The following MRPS31 variants were observed in gnomAD, a reference collection of about 807,000 sequenced individuals.
MRPS31 encodes small ribosomal subunit protein mS31.
A neutral mutation model predicts 43.1 loss-of-function variants in MRPS31; 32 were observed. That is an observed-to-expected ratio of 0.74 (90% CI 0.56 to 1.00). The LOEUF (loss-of-function observed/expected upper bound fraction) is 1.00, where lower values mean the gene tolerates loss of function less well. Ranked by LOEUF, MRPS31 falls within the 50% of genes least tolerant of loss-of-function variation. The probability of loss-of-function intolerance (pLI) is 0.00; values close to 1 mark genes in which losing one functional copy is unlikely to be tolerated. For missense variants in MRPS31, 437 were observed against 466.7 expected (o/e 0.94, Z 0.59); for synonymous variants, 165 against 161.6 (o/e 1.02, Z -0.16).
intron 2 of MRPS31, among the ~76,000 whole-genome samples, chr13:40,763,963 C>T (rs1204136081): frequency 6.6e-6 from 1 of 152,162 alleles, no homozygotes; most frequent in Admixed American, 6.5e-5. Flanking sequence ...TGGAAAAGGG[C>T]CCTCAGACGA....
At chr13:40,764,278 A>AT (rs950400732) in intron 2 of MRPS31, among the ~76,000 whole-genome samples, 2 of 152,354 alleles carry the variant, frequency 1.3e-5, no homozygotes, top group African/African-American at 4.8e-5. Context: ...GTACCTGCAT[A>AT]TAAGTAATGC....
At chr13:40,769,970 TCA>T (rs1880961662) in intron 1 of MRPS31, among the ~76,000 whole-genome samples, 1 of 152,248 alleles carries the variant, frequency 6.6e-6, no homozygotes, top group Non-Finnish European at 1.5e-5. Context: ...TTTCCATTTT[TCA>T]CACTTTCTAT....
At chr13:40,748,602 A>C (rs1467749090) in intron 6 of MRPS31, among the ~76,000 whole-genome samples, 1 of 152,264 alleles carries the variant, frequency 6.6e-6, no homozygotes, top group Non-Finnish European at 1.5e-5. Flanking sequence ...AATATCCAGT[A>C]AAGTAGATGA....
At chr13:40,748,335 T>C (rs1383247463) in intron 6 of MRPS31, among the ~76,000 whole-genome samples, 1 of 152,232 alleles carries the variant, frequency 6.6e-6, no homozygotes. Flanking sequence ...TTTTGTATTT[T>C]TAGTAGAGAC....
intron 1 of MRPS31, 173 bp downstream of exon 1, chr13:40,770,812 T>C (rs1880985093): frequency 1.3e-6 from 1 of 764,940 alleles, no homozygotes; most frequent in Non-Finnish European, 2.1e-6. Flanking sequence ...AGGTTTGTAA[T>C]CGTAGCTCTG....
At chr13:40,734,255 C>T (rs1879806149) in intron 6 of MRPS31, among the ~76,000 whole-genome samples, 1 of 152,050 alleles carries the variant, frequency 6.6e-6, no homozygotes, top group Non-Finnish European at 1.5e-5. Context: ...GCATGTGCTT[C>T]AACAAAATGA....
At chr13:40,762,625 T>C (rs1364818748) in intron 2 of MRPS31, among the ~76,000 whole-genome samples, 4 of 151,774 alleles carry the variant, frequency 2.6e-5, no homozygotes, top group Non-Finnish European at 5.9e-5. Context: ...TTGTAGAGAC[T>C]GGGTCTCACT....
At chr13:40,741,768 G>A (rs538052774) in intron 6 of MRPS31, among the ~76,000 whole-genome samples, 2 of 152,118 alleles carry the variant, frequency 1.3e-5, no homozygotes, top group African/African-American at 2.4e-5. Flanking sequence ...AAGGAAAATG[G>A]TAAAAGAAAT....
chr13:40,742,377 GC>G (rs79182963), intron 6 of MRPS31, among the ~76,000 whole-genome samples: 6,843 of 152,130 alleles, frequency 0.045, 314 homozygotes, highest in East Asian at 0.14. Context: ...TTTTGAGAAG[GC>G]CATAGTAGAG....
intron 4 of MRPS31, 46 bp from the exon 5 acceptor site, chr13:40,754,138 A>G: frequency 9.3e-7 from 1 of 1,075,296 alleles, no homozygotes; most frequent in East Asian, 2.6e-5. Context: ...TATATTTTAA[A>G]CTGTCAACAA....
chr13:40,769,334 C>A (rs1408676485), intron 1 of MRPS31, among the ~76,000 whole-genome samples: 1 of 141,776 alleles, frequency 7.1e-6, no homozygotes, highest in African/African-American at 2.6e-5. Flanking sequence ...CGAGATCACA[C>A]ACTGCACTCC....
chr13:40,761,478 A>C (rs1010191892), intron 2 of MRPS31, among the ~76,000 whole-genome samples: 1 of 152,204 alleles, frequency 6.6e-6, no homozygotes, highest in African/African-American at 2.4e-5. Context: ...CATACATTTC[A>C]TAACAATGGT....
chr13:40,752,984 C>T (rs1880432650), intron 5 of MRPS31, among the ~76,000 whole-genome samples: 1 of 152,166 alleles, frequency 6.6e-6, no homozygotes, highest in Non-Finnish European at 1.5e-5. Flanking sequence ...ATCATGTTGT[C>T]TCAGCCTCCC....
intron 6 of MRPS31, among the ~76,000 whole-genome samples, chr13:40,736,346 GA>G (rs910833556): frequency 2.6e-5 from 4 of 151,798 alleles, no homozygotes; most frequent in Non-Finnish European, 4.4e-5. Context: ...AACCAAGTTG[GA>G]AAACACTCTG....
At position 40,766,956 on chromosome 13, in the gene MRPS31, G is replaced by A; in HGVS notation, c.230C>T (p.Thr77Ile). The A allele has an allele frequency of 1.2e-6, 2 of 1,613,908 alleles. No individual in the cohort carries two copies. Among genetic ancestry groups the A allele is most frequent in the Non-Finnish European group, 1.7e-6 (2 of 1,179,960 alleles). ...CSKKDKQSVR[T>I]EETSKETSES... ...TGAAGTCTCCTTGGAAGTCTCCTCA[G>A]TTCGAACAGACTGCTTATCTTTCTT... The change falls in exon 2 of 7, where the codon ACT (threonine) becomes ATT (isoleucine). Residue 77 changes from threonine (T) to isoleucine (I), a missense_variant. Coordinates refer to ENST00000323563, the MANE Select transcript of MRPS31 (RefSeq NM_005830.4).
At chr13:40,745,668 G>T (rs1170829553) in intron 6 of MRPS31, among the ~76,000 whole-genome samples, 1 of 152,050 alleles carries the variant, frequency 6.6e-6, no homozygotes, top group African/African-American at 2.4e-5. Flanking sequence ...CTTTCACAGT[G>T]CAAATGTCTT....
intron 6 of MRPS31, among the ~76,000 whole-genome samples, chr13:40,735,098 G>A (rs1219705216): frequency 2.6e-5 from 4 of 152,192 alleles, no homozygotes; most frequent in Non-Finnish European, 5.9e-5. Flanking sequence ...AGCCGAAAGA[G>A]GGTGAGGCAT....
intron 1 of MRPS31, 120 bp downstream of exon 1, chr13:40,770,865 C>T: frequency 7.6e-7 from 1 of 1,321,992 alleles, no homozygotes; most frequent in Non-Finnish European, 1.1e-6. Context: ...TCTTTTCTTT[C>T]TGGGATTTCT....
At chr13:40,748,099 T>A (rs1180383901) in intron 6 of MRPS31, among the ~76,000 whole-genome samples, 1 of 152,304 alleles carries the variant, frequency 6.6e-6, no homozygotes, top group African/African-American at 2.4e-5. Flanking sequence ...CTAAGACTTA[T>A]TTAGGCTTTT....
Sources: allele counts gnomAD v4.1 joint callset (sites outside exome capture counted in the v4.1 genomes callset), GRCh38; gene constraint gnomAD v4.1.1; transcripts MANE v1.5; gene names NCBI Gene and HGNC (gene_info 2026-07-23, HGNC 2026-07-21).